The following AR variants were observed in gnomAD, a reference collection of about 807,000 sequenced individuals.
The protein encoded by AR is dihydrotestosterone receptor.
A neutral mutation model predicts 53.9 loss-of-function variants in AR; 8 were observed. The ratio of observed to expected loss-of-function variants is 0.15; its 90% CI spans 0.09 to 0.27. The LOEUF (loss-of-function observed/expected upper bound fraction) is 0.27. Ranked by LOEUF, AR falls within the 10% of genes least tolerant of loss-of-function variation. The probability of loss-of-function intolerance (pLI) is 1.00; values close to 1 mark genes in which losing one functional copy is unlikely to be tolerated. For synonymous variants in AR, 359 were observed against 316.4 expected (o/e 1.13, Z -1.43); for missense variants, 639 against 742.5 (o/e 0.86, Z 1.62).
intron 3 of AR, among the ~76,000 whole-genome samples, chrX:67,690,579 G>A (rs1183781415): frequency 8.9e-6 from 1 of 111,945 alleles, no homozygotes; most frequent in Non-Finnish European, 1.9e-5. Context: ...AGCCAGCCAA[G>A]AAGTTCACGC....
At chrX:67,671,151 G>C (rs1261206211) in intron 2 of AR, among the ~76,000 whole-genome samples, 1 of 111,780 alleles carries the variant, frequency 8.9e-6, no homozygotes. Context: ...TGATATTTCT[G>C]GTTCTAGATC....
At chrX:67,705,522 T>C (rs1267889179) in intron 3 of AR, among the ~76,000 whole-genome samples, 3 of 111,813 alleles carry the variant, frequency 2.7e-5, no homozygotes, top group African/African-American at 9.8e-5. Context: ...CTGAAGTTGC[T>C]TATCAGCTTA....
chrX:67,607,757 A>C (rs967700823), intron 1 of AR, among the ~76,000 whole-genome samples: 17 of 112,287 alleles, frequency 1.5e-4, no homozygotes, highest in Non-Finnish European at 1.5e-4. Context: ...GTGCTCATTC[A>C]GAGTTGTACA....
At chrX:67,669,105 C>T (rs1474088920) in intron 2 of AR, among the ~76,000 whole-genome samples, 3 of 110,122 alleles carry the variant, frequency 2.7e-5, no homozygotes, top group Non-Finnish European at 5.7e-5. Context: ...GTTTGGTTTG[C>T]TCTTGCTTTT....
chrX:67,695,472 T>TG, intron 3 of AR: 1 of 754,277 alleles, frequency 1.3e-6, no homozygotes. Context: ...GATTGCTCTC[T>TG]CACATCACAT....
intron 3 of AR, among the ~76,000 whole-genome samples, chrX:67,704,901 G>A (rs2076058977): frequency 9.0e-6 from 1 of 111,488 alleles, no homozygotes; most frequent in Non-Finnish European, 1.9e-5. Flanking sequence ...GTTAAATAGG[G>A]AATCTTTTCC....
intron 2 of AR, among the ~76,000 whole-genome samples, chrX:67,656,984 T>TGA (rs755250370): frequency 8.2e-5 from 9 of 109,332 alleles, no homozygotes; most frequent in Admixed American, 3.9e-4. Context: ...AAGTGGAAAA[T>TGA]GAGAGAGAGA....
intron 2 of AR, among the ~76,000 whole-genome samples, chrX:67,646,174 T>C (rs1276493825): frequency 9.0e-6 from 1 of 111,592 alleles, no homozygotes; most frequent in Non-Finnish European, 1.9e-5. Context: ...AATATGTTTT[T>C]AGCTTTGGTG....
At chrX:67,709,961 T>C (rs1019757774) in intron 3 of AR, among the ~76,000 whole-genome samples, 3 of 111,884 alleles carry the variant, frequency 2.7e-5, no homozygotes, top group African/African-American at 9.8e-5. Flanking sequence ...TTAACCACTG[T>C]GTGTCTAGTA....
intron 2 of AR, among the ~76,000 whole-genome samples, chrX:67,664,590 C>T (rs1242127652): frequency 8.9e-6 from 1 of 112,254 alleles, no homozygotes; most frequent in Non-Finnish European, 1.9e-5. Flanking sequence ...GGCAGTCTGT[C>T]CGTTCTCAGA....
intron 2 of AR, among the ~76,000 whole-genome samples, chrX:67,677,767 G>C (rs1449701692): frequency 1.8e-5 from 2 of 111,470 alleles, no homozygotes; most frequent in African/African-American, 6.5e-5. Flanking sequence ...AGTCAGGTCT[G>C]TTCTGCTCTC....
intron 1 of AR, 131 bp downstream of exon 1, chrX:67,546,893 A>T: frequency 1.3e-6 from 1 of 773,031 alleles, no homozygotes; most frequent in Non-Finnish European, 1.9e-6. Flanking sequence ...GGGTAAACCT[A>T]GAGCTCTCCC....
At chrX:67,604,470 A>C (rs949298073) in intron 1 of AR, among the ~76,000 whole-genome samples, 1 of 110,895 alleles carries the variant, frequency 9.0e-6, no homozygotes, top group African/African-American at 3.3e-5. Flanking sequence ...TTCTAAGTCT[A>C]TGCTAATGAT....
intron 2 of AR, among the ~76,000 whole-genome samples, chrX:67,681,525 G>A (rs1260095739): frequency 8.9e-6 from 1 of 112,284 alleles, no homozygotes; most frequent in Non-Finnish European, 1.9e-5. Context: ...AACTTGCTGT[G>A]GCTTGGGGCA....
intron 5 of AR, among the ~76,000 whole-genome samples, chrX:67,719,121 A>G (rs2076125481): frequency 9.0e-6 from 1 of 111,413 alleles, no homozygotes; most frequent in Non-Finnish European, 1.9e-5. Context: ...TGCGAGGGAG[A>G]GTGAGCGTCC....
At chrX:67,715,280 C>A (rs951025131) in intron 4 of AR, among the ~76,000 whole-genome samples, 1 of 106,611 alleles carries the variant, frequency 9.4e-6, no homozygotes, top group African/African-American at 3.6e-5. Context: ...AGGGTCAGTC[C>A]AAGGCATTCT....
At chrX:67,652,276 T>C (rs1926379585) in intron 2 of AR, among the ~76,000 whole-genome samples, 2 of 112,134 alleles carry the variant, frequency 1.8e-5, no homozygotes. Context: ...TTGTGGTATC[T>C]GTATGTGGAC....
chrX:67,643,031 CA>C (rs1925867200), intron 1 of AR, among the ~76,000 whole-genome samples: 1 of 111,835 alleles, frequency 8.9e-6, no homozygotes, highest in South Asian at 3.7e-4. Context: ...TGGCTAATCC[CA>C]GAGAACTTCC....
At chrX:67,590,714 T>G (rs1222859288) in intron 1 of AR, among the ~76,000 whole-genome samples, 1 of 112,094 alleles carries the variant, frequency 8.9e-6, no homozygotes, top group African/African-American at 3.2e-5. Flanking sequence ...ATCTTCCAGT[T>G]TAGGAGTTCG....
Sources: allele counts gnomAD v4.1 joint callset (sites outside exome capture counted in the v4.1 genomes callset), GRCh38; gene constraint gnomAD v4.1.1; transcripts MANE v1.5; gene names NCBI Gene and HGNC (gene_info 2026-07-23, HGNC 2026-07-21).